The following LALBA variants were observed in gnomAD, a reference collection of about 807,000 sequenced individuals.
The protein encoded by LALBA is lactalbumin alpha.
Under a neutral mutation model 13.4 loss-of-function variants are expected in LALBA, and 12 were observed. The ratio of observed to expected loss-of-function variants is 0.89; its 90% CI spans 0.57 to 1.45. LALBA has a LOEUF of 1.45. Ranked by LOEUF, LALBA falls within the 40% of genes most tolerant of loss-of-function variation. The pLI is 0.00. For synonymous variants in LALBA, 64 were observed against 61.0 expected (o/e 1.05, Z -0.23); for missense variants, 145 against 165.9 (o/e 0.87, Z 0.69).
Position 48,567,768 on chromosome 12 carries a change from C to T in LALBA, c.*189G>A, listed in dbSNP as rs1376526104. ...GCCATCGAAGGCACTGAGTAAGGGT[C>T]TAGAGCTCAGTGCACCACTCAGGCA... On this transcript the variant is annotated 3_prime_UTR_variant, in exon 4 of 4. Transcript: ENST00000301046. 1 of 587,428 alleles carries T rather than the reference C, an allele frequency of 1.7e-6. No individual in the cohort carries two copies. The highest frequency in any genetic ancestry group is 3.1e-6 in the Non-Finnish European group (1 of 323,996). 36.4% of individuals were successfully genotyped at this position (587,428 alleles called of 1,614,324 possible). A position where few individuals can be genotyped will look rare whatever the true frequency, so the allele number is the denominator to read the frequency against.
Position 48,568,014 on chromosome 12 carries a change from C to T in LALBA, c.372G>A (p.Leu124=). ...TCTCAGTGCAGAGGGCTTTATGGGC[C>T]AACCTGATAATGGAGAAGGGGGACA... ...ILDIKGIDYW[L]AHKALCTEKL... is the part of the protein sequence containing the mutation. Residue 124 remains leucine (L), a synonymous_variant, in exon 4 of 4, where the codon TTG becomes TTA. Transcript: ENST00000301046. The T allele has an allele frequency of 1.3e-6, 2 of 1,596,538 alleles. No homozygotes were observed. The highest frequency in any genetic ancestry group is 1.7e-6 in the Non-Finnish European group (2 of 1,171,304).
At chr12:48,570,322 G>T (rs553247978), upstream of LALBA, among the ~76,000 whole-genome samples, 17 of 152,270 alleles carry the variant, frequency 1.1e-4, no homozygotes, top group Admixed American at 9.8e-4. Context: ...TTGTAGGGTT[G>T]GTTCTGGGAA....
At chr12:48,571,321 GCTC>G (rs1476525601), upstream of LALBA, among the ~76,000 whole-genome samples, 2 of 150,548 alleles carry the variant, frequency 1.3e-5, no homozygotes, top group Non-Finnish European at 3.0e-5. Flanking sequence ...GTAGCTCTTA[GCTC>G]CTTCATGCCA....
Position 48,570,028 on chromosome 12 carries a change from A to G in LALBA, c.-8T>C. The G allele has an allele frequency of 1.2e-6, 2 of 1,613,418 alleles. No homozygotes were observed. The highest frequency in any genetic ancestry group is 1.7e-6 in the Non-Finnish European group (2 of 1,179,814). ...AGGGACAAAGAACCTCATTTTGGCT[A>G]CCCCCAAGAACCTGAAATGGAAGCA... On this transcript the variant is annotated 5_prime_UTR_variant, in exon 1 of 4. Coordinates refer to ENST00000301046, the MANE Select transcript of LALBA (RefSeq NM_002289.3).
Position 48,568,734 on chromosome 12 carries a change from G to A in LALBA, c.293-142C>T, listed in dbSNP as rs544080653. 1.1e-5 allele frequency: 7 copies of A among 613,550 alleles called. No individual in the cohort carries two copies. In the Admixed American group the frequency reaches 1.5e-4, roughly 13 times the overall value. 38.0% of individuals were successfully genotyped at this position (613,550 alleles called of 1,614,324 possible). Reference sequence around the variant, plus strand: ...TGTCTTTCTATATGAAAGGACCAATGTGGTAATGTCTAACCCTGGGTAGGG... The same window carrying A: ...TGTCTTTCTATATGAAAGGACCAATATGGTAATGTCTAACCCTGGGTAGGG... On this transcript the variant is annotated intron_variant, in intron 2 of 3. Transcript: ENST00000301046.
chr12:48,569,134 G>C lies in LALBA; in HGVS notation c.240C>G (p.Cys80Trp). The change falls in exon 2 of 4, where the codon TGC becomes TGG. Residue 80 changes from cysteine to tryptophan, a missense_variant. Physicochemically the swap from Cys to Trp is radical, Grantham distance 215. Transcript: ENST00000301046. ...TTGACTGAGGGACCTGGCTGCTCTTGCACCAAAGCTTATTACTGATCTGGA... is the reference window on the plus strand; with the variant it reads ...TTGACTGAGGGACCTGGCTGCTCTTCCACCAAAGCTTATTACTGATCTGGA... ...GLFQISNKLW[C>W]KSSQVPQSRN... is the part of the protein sequence containing the mutation. 1 of 1,613,548 alleles carries C rather than the reference G, an allele frequency of 6.2e-7. No homozygotes were observed. The highest frequency in any genetic ancestry group is 8.5e-7 in the Non-Finnish European group (1 of 1,179,784).
At chr12:48,570,091 C>T, upstream of LALBA, 1 of 1,548,398 alleles carries the variant, frequency 6.5e-7, no homozygotes, top group Non-Finnish European at 8.9e-7. Context: ...TGCAGAAAGC[C>T]TCAGGGGCTC....
upstream of LALBA, among the ~76,000 whole-genome samples, chr12:48,570,336 C>T (rs1220918791): frequency 6.6e-6 from 1 of 152,156 alleles, no homozygotes; most frequent in East Asian, 1.9e-4. Flanking sequence ...CTGGGAAGCA[C>T]TGTCTCTGGT....
chr12:48,570,410 A>G (rs1157880873), upstream of LALBA, among the ~76,000 whole-genome samples: 1 of 152,120 alleles, frequency 6.6e-6, no homozygotes, highest in African/African-American at 2.4e-5. Context: ...AAAATACAAT[A>G]AAGTTCTATA....
chr12:48,568,147 C>A, intron 3 of LALBA, 130 bp from the exon 4 acceptor site: 2 of 733,394 alleles, frequency 2.7e-6, no homozygotes, highest in East Asian at 2.7e-5. Context: ...TCAAGCGACA[C>A]AAGCCATCAA....
At chr12:48,569,337 T>C in intron 1 of LALBA, 97 bp from the exon 2 acceptor site, 1 of 1,037,928 alleles carries the variant, frequency 9.6e-7, no homozygotes, top group African/African-American at 1.7e-5. Context: ...CCAGCCAATC[T>C]CCAAAGATGG....
chr12:48,571,381 TCTTC>T (rs1210463915), upstream of LALBA, among the ~76,000 whole-genome samples: 13 of 105,608 alleles, frequency 1.2e-4, no homozygotes, highest in Middle Eastern at 3.8e-3. Context: ...TTCTTCTTCT[TCTTC>T]CTTTTTTTTT....
At chr12:48,570,469 G>T (rs1438732637), upstream of LALBA, among the ~76,000 whole-genome samples, 2 of 152,104 alleles carry the variant, frequency 1.3e-5, no homozygotes, top group Non-Finnish European at 2.9e-5. Context: ...TGGAGAGGGG[G>T]TGTATGTCAT....
chr12:48,567,979 T>G lies in LALBA; in HGVS notation c.407A>C (p.Gln136Pro), dbSNP rs1049554612. 6 of 1,605,780 alleles carry G rather than the reference T, an allele frequency of 3.7e-6. No homozygotes were observed. The highest frequency in any genetic ancestry group is 5.1e-6 in the Non-Finnish European group (6 of 1,176,512). ...HKALCTEKLE[Q>P]WLCEKL ...CACTCACAACTTCTCACAAAGCCAC[T>G]GTTCCAGCTTCTCAGTGCAGAGGGC... The change falls in exon 4 of 4, where the codon CAG becomes CCG. Residue 136 changes from glutamine to proline, a missense_variant. Physicochemically the swap from Gln to Pro is moderately conservative, Grantham distance 76 (BLOSUM62 -1). Transcript: ENST00000301046.
In LALBA at chr12:48,569,982, C is replaced by T. The variant is rs1565588797; in HGVS notation, c.39G>A (p.Leu13=). 4 of 1,614,112 alleles carry T rather than the reference C, an allele frequency of 2.5e-6. No homozygotes were observed. The African/African-American group carries it at 5.3e-5, about 22-fold the overall frequency. The part of the protein sequence containing the change: ...FFVPLFLVGI[L]FPAILAKQFT... ...ATTGCTTGGCCAGGATGGCAGGGAA[C>T]AGGATGCCCACCAGGAACAGAGGGA... Residue 13 remains leucine, a synonymous_variant, in exon 1 of 4, where the codon CTG becomes CTA. Transcript: ENST00000301046.
At chr12:48,568,304 C>T (rs911050313) in intron 3 of LALBA, 7 of 606,602 alleles carry the variant, frequency 1.2e-5, no homozygotes, top group African/African-American at 9.3e-5. Flanking sequence ...GGGTCTGAGC[C>T]CTCCATTAGG....
At position 48,569,962 on chromosome 12, in the gene LALBA, T is replaced by C; in HGVS notation, c.59A>G (p.Lys20Arg). The C allele has an allele frequency of 6.2e-7, 1 of 1,614,082 alleles. No homozygotes were observed. The highest frequency in any genetic ancestry group is 8.5e-7 in the Non-Finnish European group (1 of 1,180,008). ...GGACAGCTCACATTTTGTGAATTGC[T>C]TGGCCAGGATGGCAGGGAACAGGAT... ...VGILFPAILAKQFTKCELSQL... is the reference protein window; with the variant it reads ...VGILFPAILARQFTKCELSQL... The change falls in exon 1 of 4, where the codon AAG becomes AGG. Residue 20 changes from lysine to arginine, a missense_variant. Physicochemically the swap from Lys to Arg is conservative, Grantham distance 26. Coordinates refer to ENST00000301046, the MANE Select transcript of LALBA (RefSeq NM_002289.3).
chr12:48,569,245 G>C lies in LALBA; in HGVS notation c.134-5C>G. 2.3e-5 allele frequency: 37 copies of C among 1,608,466 alleles called. No homozygotes were observed. Among genetic ancestry groups the C allele is most frequent in the Non-Finnish European group, 3.1e-5 (36 of 1,176,546 alleles). On this transcript the variant is annotated splice_region_variant and splice_polypyrimidine_tract_variant and intron_variant, in intron 1 of 3. Coordinates refer to ENST00000301046, the MANE Select transcript of LALBA (RefSeq NM_002289.3). Reference sequence around the variant, plus strand: ...TGTGAAACATGGTACAGATCACTGAGGGAAAGATGAGAAAGAGATACCACA... The same window carrying C: ...TGTGAAACATGGTACAGATCACTGACGGAAAGATGAGAAAGAGATACCACA...
rs1257016498 is a variant in LALBA at position 48,568,001 on chromosome 12, G to A, written c.385C>T (p.Leu129Phe). ...GIDYWLAHKA[L>F]CTEKLEQWLC... ...CACTGTTCCAGCTTCTCAGTGCAGA[G>A]GGCTTTATGGGCCAACCTGATAATG... Residue 129 changes from leucine (L) to phenylalanine (F), a missense_variant, in exon 4 of 4, where the codon CTC becomes TTC. Physicochemically the swap from Leu to Phe is conservative, Grantham distance 22. Transcript: ENST00000301046. 2 of 1,600,422 alleles carry A rather than the reference G, an allele frequency of 1.2e-6. No individual in the cohort carries two copies. The highest frequency in any genetic ancestry group is 3.5e-5 in the Admixed American group (2 of 57,878).
Sources: allele counts gnomAD v4.1 joint callset (sites outside exome capture counted in the v4.1 genomes callset), GRCh38; gene constraint gnomAD v4.1.1; transcripts MANE v1.5; gene names NCBI Gene and HGNC (gene_info 2026-07-23, HGNC 2026-07-21).